ITSN1: variants seen among roughly 807,000 people sequenced by gnomAD.
ITSN1 encodes intersectin-1.
ITSN1 carries 58 observed loss-of-function variants against 239.8 expected under a neutral mutation model. That is an observed-to-expected ratio of 0.24 (90% CI 0.20 to 0.30). The LOEUF is 0.30. Among genes scored for constraint, ITSN1 ranks in the 10% least tolerant of loss-of-function variants. The probability of loss-of-function intolerance (pLI) is 1.00; values close to 1 mark genes in which losing one functional copy is unlikely to be tolerated. For missense variants in ITSN1, 1,558 were observed against 2,103.3 expected, an observed-to-expected ratio of 0.74 and a Z score of 5.07; for synonymous variants, 780 against 770.8, an observed-to-expected ratio of 1.01 and a Z score of -0.20.
intron 1 of ITSN1, among the ~76,000 whole-genome samples, chr21:33,707,647 T>C (rs1283134946): frequency 2.0e-5 from 3 of 152,218 alleles, no homozygotes; most frequent in Non-Finnish European, 4.4e-5. Flanking sequence ...GAATCATAGA[T>C]ATATACTTCT....
chr21:33,817,472 G>GTTTT, intron 22 of ITSN1: 1 of 1,304,382 alleles, frequency 7.7e-7, no homozygotes, highest in Non-Finnish European at 1.0e-6. Context: ...ATTCATCCCT[G>GTTTT]TTTTCTCTTT....
At chr21:33,776,111 T>C (rs564028338) in intron 14 of ITSN1, among the ~76,000 whole-genome samples, 1 of 152,332 alleles carries the variant, frequency 6.6e-6, no homozygotes, top group Admixed American at 6.5e-5. Context: ...CTGGTTGATA[T>C]TCAGGTTCTT....
chr21:33,664,948 C>G (rs1315941582), intron 1 of ITSN1, among the ~76,000 whole-genome samples: 1 of 152,124 alleles, frequency 6.6e-6, no homozygotes, highest in Non-Finnish European at 1.5e-5. Flanking sequence ...TTAAATTGCT[C>G]TCATCTACTT....
rs1986355294 is a variant in ITSN1 at position 33,891,383 on chromosome 21, C to T, written c.*3083C>T. The stretch of plus-strand genomic sequence containing the variant: ...TTTTTTCTTCTTTGCTTTTTTTAAA[C>T]AACCTAAAGTATGACCTAAGTGTAT... On this transcript the variant is annotated 3_prime_UTR_variant, in exon 40 of 40. Transcript: ENST00000381318. 1 of 152,144 alleles carries T rather than the reference C, an allele frequency of 6.6e-6. No individual in the cohort carries two copies. The highest frequency in any genetic ancestry group is 2.4e-5 in the African/African-American group (1 of 41,442). The allele number at this position is 152,144 out of a possible 1,614,324, so 9.4% of individuals were successfully genotyped here.
At chr21:33,862,092 G>C (rs950244423) in intron 31 of ITSN1, among the ~76,000 whole-genome samples, 1 of 150,184 alleles carries the variant, frequency 6.7e-6, no homozygotes, top group Non-Finnish European at 1.5e-5. Context: ...GAACCCGGTG[G>C]GGGCAGAGGC....
intron 22 of ITSN1, 127 bp downstream of exon 22, chr21:33,814,199 A>T (rs1602396308): frequency 3.6e-5 from 23 of 638,398 alleles, no homozygotes; most frequent in East Asian, 6.8e-5. Flanking sequence ...GGCTGGCAGT[A>T]TGGGAATCCA....
chr21:33,747,443 T>C (rs2067249484), intron 5 of ITSN1, among the ~76,000 whole-genome samples: 1 of 151,860 alleles, frequency 6.6e-6, no homozygotes, highest in South Asian at 2.1e-4. Flanking sequence ...AGCCAAACAC[T>C]TGCCAAATTT....
chr21:33,665,602 G>T (rs2089879715), intron 1 of ITSN1, among the ~76,000 whole-genome samples: 1 of 152,040 alleles, frequency 6.6e-6, no homozygotes. Context: ...GATAGATACA[G>T]AGTTATATGG....
intron 1 of ITSN1, among the ~76,000 whole-genome samples, chr21:33,699,338 C>T (rs2091915959): frequency 6.6e-6 from 1 of 152,268 alleles, no homozygotes; most frequent in East Asian, 1.9e-4. Context: ...ATCAATTACA[C>T]TTATTACCTT....
At chr21:33,774,324 G>C (rs145898446) in intron 12 of ITSN1, 1 of 156,480 alleles carries the variant, frequency 6.4e-6, no homozygotes, top group East Asian at 1.9e-4. Context: ...CTCTTTTGGT[G>C]GAGTAAAATC....
rs1385480075 is a variant in ITSN1 at position 33,895,789 on chromosome 21, A to G, written c.*7489A>G. 1 of 152,262 alleles carries G rather than the reference A, an allele frequency of 6.6e-6. No individual in the cohort carries two copies. Among genetic ancestry groups the G allele is most frequent in the East Asian group, 1.9e-4 (1 of 5,200 alleles). The allele number at this position is 152,262 out of a possible 1,614,324, so 9.4% of individuals were successfully genotyped here. ...CATGGCTCTGTGCCTTGGAGAGGGA[A>G]ACAGGAAATACGTTGCTCCACAGTC... On this transcript the variant is annotated 3_prime_UTR_variant, in exon 40 of 40. Coordinates refer to ENST00000381318, the MANE Select transcript of ITSN1 (RefSeq NM_003024.3).
intron 12 of ITSN1, 107 bp downstream of exon 12, chr21:33,772,430 G>A: frequency 7.4e-7 from 1 of 1,350,578 alleles, no homozygotes; most frequent in South Asian, 1.4e-5. Flanking sequence ...CAATTCAGTA[G>A]TTTTAGTATA....
chr21:33,795,847 A>G (rs1298302740), intron 17 of ITSN1, among the ~76,000 whole-genome samples: 1 of 152,122 alleles, frequency 6.6e-6, no homozygotes, highest in Non-Finnish European at 1.5e-5. Flanking sequence ...AATATGGAAT[A>G]TGTATTCCAA....
intron 1 of ITSN1, among the ~76,000 whole-genome samples, chr21:33,660,795 A>G (rs1216376885): frequency 2.6e-5 from 4 of 152,088 alleles, no homozygotes; most frequent in Non-Finnish European, 1.5e-5. Context: ...ATATAAGTGA[A>G]CTTTTTATCC....
chr21:33,785,121 G>A (rs1398286806), intron 16 of ITSN1, among the ~76,000 whole-genome samples: 15 of 152,158 alleles, frequency 9.9e-5, no homozygotes, highest in Admixed American at 9.8e-4. Context: ...AGAAGGAAAT[G>A]CAGTTCCCTC....
chr21:33,886,270 G>C lies in ITSN1; in HGVS notation c.4844-17G>C, dbSNP rs192651384. 1.4e-4 allele frequency: 222 copies of C among 1,606,792 alleles called. No homozygotes were observed. In the East Asian group the frequency reaches 4.6e-3, roughly 34 times the overall value. On this transcript the variant is annotated splice_polypyrimidine_tract_variant and intron_variant, in intron 38 of 39. Coordinates refer to ENST00000381318, the MANE Select transcript of ITSN1 (RefSeq NM_003024.3). The stretch of plus-strand genomic sequence containing the variant: ...GAGGTGTGAGTTCCACCTGGCGAAG[G>C]CTTTTGTTCCCTCCAGGAAAGAGCA...
chr21:33,730,741 C>CCGA (rs1396222292), intron 4 of ITSN1, among the ~76,000 whole-genome samples: 1 of 150,728 alleles, frequency 6.6e-6, no homozygotes, highest in Non-Finnish European at 1.5e-5. Flanking sequence ...GAGTCTTGCT[C>CCGA]CGTCACCCAG....
intron 8 of ITSN1, among the ~76,000 whole-genome samples, chr21:33,757,892 T>A (rs529481144): frequency 1.3e-5 from 2 of 152,284 alleles, no homozygotes; most frequent in East Asian, 3.9e-4. Flanking sequence ...TCTTTCTTTT[T>A]TTGAAACAGA....
At chr21:33,875,543 C>G in intron 34 of ITSN1, 22 bp downstream of exon 34, 1 of 1,606,580 alleles carries the variant, frequency 6.2e-7, no homozygotes, top group Non-Finnish European at 8.5e-7. Context: ...TGGGGCTGGG[C>G]CCTGGTCTCC....
Sources: gnomAD v4.1 joint callset for allele counts (sites outside exome capture counted in the v4.1 genomes callset) on GRCh38, gnomAD v4.1.1 for gene constraint, MANE v1.5 for transcripts, NCBI Gene and HGNC (gene_info 2026-07-23, HGNC 2026-07-21) for gene names.